Variants in PCDHGA10 observed in about 807,000 individuals in gnomAD.
The protein encoded by PCDHGA10 is protocadherin gamma subfamily A, 10.
Under a neutral mutation model 59.5 loss-of-function variants are expected in PCDHGA10, and 42 were observed. The observed-to-expected ratio is 0.71, with a 90% CI of 0.55 to 0.91. PCDHGA10 has a LOEUF of 0.91. Ranked by LOEUF, PCDHGA10 falls within the 40% of genes least tolerant of loss-of-function variation. PCDHGA10 has a pLI of 0.00. For missense variants in PCDHGA10, 1,111 were observed against 1,198.2 expected, an observed-to-expected ratio of 0.93 and a Z score of 1.07; for synonymous variants, 511 against 517.2, an observed-to-expected ratio of 0.99 and a Z score of 0.16.
chr5:141,457,058 T>C (rs756862311), intron 1 of PCDHGA10, among the ~76,000 whole-genome samples: 1 of 152,230 alleles, frequency 6.6e-6, no homozygotes, highest in South Asian at 2.1e-4. Flanking sequence ...TCATGCTTCC[T>C]TTTTGCCAGT....
chr5:141,488,441 C>T (rs1320712074), intron 1 of PCDHGA10, among the ~76,000 whole-genome samples: 1 of 152,206 alleles, frequency 6.6e-6, no homozygotes, highest in Non-Finnish European at 1.5e-5. Flanking sequence ...TGACCACCCT[C>T]CTGGGTGACC....
Position 141,476,757 on chromosome 5 carries a change from T to C in PCDHGA10, c.2437-18050T>C. On this transcript the variant is annotated intron_variant, in intron 1 of 3. Coordinates refer to ENST00000398610, the MANE Select transcript of PCDHGA10 (RefSeq NM_018913.3). This position sits in a 1 kb window ranked among gnomAD's most constrained non-coding sequence, Gnocchi z 7.6. ...CGGGAGCCTAGTCTCCAGTTAGTGC[T>C]GACGGCGTTGGACGGAGGGACCCCA... 1.2e-6 allele frequency: 2 copies of C among 1,613,906 alleles called. No individual in the cohort carries two copies. The highest frequency in any genetic ancestry group is 1.7e-6 in the Non-Finnish European group (2 of 1,180,004).
At chr5:141,492,404 T>C (rs944864208) in intron 1 of PCDHGA10, among the ~76,000 whole-genome samples, 9 of 152,316 alleles carry the variant, frequency 5.9e-5, no homozygotes, top group African/African-American at 1.9e-4. Context: ...GCAGCTCCCC[T>C]CTGCCGCTCC....
chr5:141,421,254 C>T, intron 1 of PCDHGA10: 1 of 1,607,460 alleles, frequency 6.2e-7, no homozygotes, highest in East Asian at 2.2e-5. Flanking sequence ...AGCGCGGGGA[C>T]CGCAGTCGGC....
chr5:141,420,905 T>TA (rs545324172), intron 1 of PCDHGA10: 3 of 299,970 alleles, frequency 1.0e-5, no homozygotes, highest in Non-Finnish European at 1.9e-5. Flanking sequence ...GCTCTACAAA[T>TA]ACGTGTGATT....
At chr5:141,434,427 G>A (rs2097693282) in intron 1 of PCDHGA10, among the ~76,000 whole-genome samples, 1 of 152,216 alleles carries the variant, frequency 6.6e-6, no homozygotes, top group African/African-American at 2.4e-5. Context: ...GTTCATGATG[G>A]CCGTAATGCC....
At chr5:141,424,723 T>A (rs2096836963) in intron 1 of PCDHGA10, 2 of 152,144 alleles carry the variant, frequency 1.3e-5, no homozygotes, top group African/African-American at 4.8e-5. Context: ...TAGTTGGGAG[T>A]CATAGATTCC....
rs1049654933 is a variant in PCDHGA10 at position 141,497,808 on chromosome 5, A to G, written c.2495+2943A>G. 2.6e-5 allele frequency among the ~76,000 whole-genome samples: 4 copies of G among 152,282 alleles called. No homozygotes were observed. The East Asian group carries it at 7.7e-4, about 29-fold the overall frequency. Reference sequence around the variant, plus strand: ...ACCTGCTTCAGCTTCCCAAAGTGCTAGAATTACAGGTGTGATCGCCCCCGG... The same window carrying G: ...ACCTGCTTCAGCTTCCCAAAGTGCTGGAATTACAGGTGTGATCGCCCCCGG... On this transcript the variant is annotated intron_variant, in intron 2 of 3. Coordinates refer to ENST00000398610, the MANE Select transcript of PCDHGA10 (RefSeq NM_018913.3).
At chr5:141,430,642 A>C in intron 1 of PCDHGA10, 2 of 918,498 alleles carry the variant, frequency 2.2e-6, no homozygotes, top group South Asian at 5.1e-5. Flanking sequence ...CCCTGGGAGT[A>C]TGTGGAAACA....
Position 141,418,943 on chromosome 5 carries a change from C to T in PCDHGA10, c.2436+3332C>T, listed in dbSNP as rs751344893. On this transcript the variant is annotated intron_variant, in intron 1 of 3. Coordinates refer to ENST00000398610, the MANE Select transcript of PCDHGA10 (RefSeq NM_018913.3). ...TGATCAGATTATGGAGGATTCCCCT[C>T]CAGGAGTGGTTGTTGCCCTCTTCAA... The T allele has an allele frequency of 3.1e-6, 5 of 1,613,914 alleles. No homozygotes were observed. The African/African-American group carries it at 6.7e-5, about 22-fold the overall frequency.
At chr5:141,419,422 C>T (rs374564347) in intron 1 of PCDHGA10, 9 of 1,613,378 alleles carry the variant, frequency 5.6e-6, no homozygotes, top group Non-Finnish European at 7.6e-6. Flanking sequence ...GCGCCTTCGA[C>T]CACGAGCAGC....
Position 141,487,562 on chromosome 5 carries a change from G to C in PCDHGA10, c.2437-7245G>C. The stretch of plus-strand genomic sequence containing the variant: ...GAAGTCACCCAGTGCACCTATGGCA[G>C]GGGAGCCTGTTCGCCCAAGCTGCCC... On this transcript the variant is annotated intron_variant, in intron 1 of 3. Coordinates refer to ENST00000398610, the MANE Select transcript of PCDHGA10 (RefSeq NM_018913.3). The surrounding 1 kb of genome is among the most constrained non-coding windows in gnomAD (Gnocchi z 5.0). The C allele has an allele frequency of 6.2e-7, 1 of 1,614,178 alleles. No homozygotes were observed.
At chr5:141,433,347 C>T (rs1207853986) in intron 1 of PCDHGA10, 3 of 626,596 alleles carry the variant, frequency 4.8e-6, no homozygotes, top group Non-Finnish European at 8.3e-6. Context: ...GTGCAAGCCA[C>T]CTACTGTCTG....
At chr5:141,418,287 G>C in intron 1 of PCDHGA10, 1 of 1,614,020 alleles carries the variant, frequency 6.2e-7, no homozygotes, top group South Asian at 1.1e-5. Context: ...TTAGAAATCA[G>C]TGAATCCGTC....
At position 141,491,423 on chromosome 5, in the gene PCDHGA10, G is replaced by A; in HGVS notation, c.2437-3384G>A. The A allele has an allele frequency of 3.1e-6, 5 of 1,614,126 alleles. No homozygotes were observed. Among genetic ancestry groups the A allele is most frequent in the Non-Finnish European group, 4.2e-6 (5 of 1,180,036 alleles). ...AACGCAGACGGGGACGGGGGTGGAGGGCAGTGCTGCAGGCGCCAGGACTCA... is the reference window on the plus strand; with the variant it reads ...AACGCAGACGGGGACGGGGGTGGAGAGCAGTGCTGCAGGCGCCAGGACTCA... On this transcript the variant is annotated intron_variant, in intron 1 of 3. Transcript: ENST00000398610. The surrounding 1 kb of genome is among the most constrained non-coding windows in gnomAD (Gnocchi z 6.9).
rs375736950 is a variant in PCDHGA10, at chr5:141,414,791, G to A, written c.1616G>A (p.Ser539Asn). 2.7e-5 allele frequency: 43 copies of A among 1,614,120 alleles called. No individual in the cohort carries two copies. The highest frequency in any genetic ancestry group is 3.3e-5 in the Non-Finnish European group (39 of 1,180,052). Residue 539 changes from serine to asparagine, a missense_variant, in exon 1 of 4, where the codon AGC becomes AAC. Physicochemically the swap from Ser to Asn is conservative, Grantham distance 46. Coordinates refer to ENST00000398610, the MANE Select transcript of PCDHGA10 (RefSeq NM_018913.3). ...GAGCTACAGATGCAGGTGACAGCCA[G>A]CGACAGCGGGGATCCTCCACTCAGC... ...FHELQMQVTASDSGDPPLSSN... is the reference protein window; with the variant it reads ...FHELQMQVTANDSGDPPLSSN...
chr5:141,423,435 G>A (rs2096740494), intron 1 of PCDHGA10: 1 of 1,613,892 alleles, frequency 6.2e-7, no homozygotes, highest in Admixed American at 1.7e-5. Context: ...TGGCAGGTAT[G>A]CCCACGTCAC....
chr5:141,509,638 A>G (rs1204228233), intron 3 of PCDHGA10, among the ~76,000 whole-genome samples: 1 of 152,174 alleles, frequency 6.6e-6, no homozygotes, highest in Admixed American at 6.5e-5. Flanking sequence ...ATGCTGAGCC[A>G]GGGCCAGAGT....
chr5:141,423,335 G>T (rs781241820), intron 1 of PCDHGA10: 11 of 1,614,046 alleles, frequency 6.8e-6, no homozygotes, highest in Non-Finnish European at 9.3e-6. Context: ...GCAGTCTCCT[G>T]CATCTTCCTG....
Sources: allele counts gnomAD v4.1 joint callset (sites outside exome capture counted in the v4.1 genomes callset), GRCh38; gene constraint gnomAD v4.1.1; non-coding constraint Gnocchi (gnomAD v3.1); transcripts MANE v1.5; gene names NCBI Gene and HGNC (gene_info 2026-07-23, HGNC 2026-07-21).